Variants in NTRK2 observed in about 807,000 individuals in gnomAD.
NTRK2 encodes the protein neurotrophic receptor tyrosine kinase 2, also known as BDNF/NT-3 growth factors receptor.
NTRK2 carries 13 observed loss-of-function variants against 94.5 expected under a neutral mutation model. The ratio of observed to expected loss-of-function variants is 0.14; its 90% CI spans 0.09 to 0.22. The LOEUF is 0.22. Ranked by LOEUF, NTRK2 falls within the 10% of genes least tolerant of loss-of-function variation. NTRK2 has a pLI of 1.00. For synonymous variants in NTRK2, 372 were observed against 407.4 expected (o/e 0.91, Z 1.05); for missense variants, 639 against 1,071.2 (o/e 0.60, Z 5.63).
chr9:84,699,658 T>C (rs764181398), intron 2 of NTRK2, among the ~76,000 whole-genome samples: 2 of 148,228 alleles, frequency 1.3e-5, no homozygotes, highest in African/African-American at 2.5e-5. Context: ...TAAGCTTATG[T>C]GTGTGTTTTT....
chr9:84,753,285 C>T (rs1206932342), intron 12 of NTRK2, among the ~76,000 whole-genome samples: 2 of 151,952 alleles, frequency 1.3e-5, no homozygotes, highest in Non-Finnish European at 2.9e-5. Context: ...AGGGACCACC[C>T]CACAGTGATT....
intron 14 of NTRK2, among the ~76,000 whole-genome samples, chr9:84,902,815 G>A (rs556913752): frequency 6.6e-6 from 1 of 152,114 alleles, no homozygotes; most frequent in African/African-American, 2.4e-5. Context: ...CTGCTTCTAT[G>A]AACTCCATGA....
At chr9:84,740,402 G>T (rs1272461932) in intron 9 of NTRK2, among the ~76,000 whole-genome samples, 1 of 152,212 alleles carries the variant, frequency 6.6e-6, no homozygotes, top group Non-Finnish European at 1.5e-5. Flanking sequence ...TGGTGTTTGG[G>T]ATAATAAAAT....
intron 12 of NTRK2, among the ~76,000 whole-genome samples, chr9:84,858,741 GATAA>G (rs1323517000): frequency 1.3e-5 from 2 of 151,076 alleles, no homozygotes; most frequent in East Asian, 2.0e-4. Flanking sequence ...TGTTCTGCCT[GATAA>G]ATAAATAAAT....
intron 12 of NTRK2, among the ~76,000 whole-genome samples, chr9:84,789,265 G>A (rs189201605): frequency 2.8e-4 from 43 of 152,270 alleles, no homozygotes; most frequent in African/African-American, 9.9e-4. Context: ...ACCACAGATT[G>A]GCCTCAATTC....
chr9:84,861,088 G>T lies in NTRK2; in HGVS notation c.1444+1G>T, dbSNP rs756500934. ...AAAGTAAAATCAAGACAAGGTGTTG[G>T]TAAGTAGTTAACTCACTCCTTCTTT... On this transcript the variant is annotated splice_donor_variant, in intron 13 of 18. Transcript: ENST00000277120. LOFTEE classifies it high-confidence loss of function. The T allele has an allele frequency of 6.2e-7, 1 of 1,611,126 alleles. No individual in the cohort carries two copies. The highest frequency in any genetic ancestry group is 8.5e-7 in the Non-Finnish European group (1 of 1,177,660).
chr9:84,675,692 A>T (rs575786610), intron 2 of NTRK2, among the ~76,000 whole-genome samples: 12 of 152,060 alleles, frequency 7.9e-5, no homozygotes, highest in Admixed American at 7.2e-4. Flanking sequence ...AAGAAAAAAA[A>T]CCCTGAATCT....
Position 84,745,028 on chromosome 9 carries a change from C to T in NTRK2, c.1251C>T (p.Ile417=). ...IGDTTNRSNE[I]PSTDVTDKTG... ...ACACCACGAACAGAAGTAATGAAATCCCTTCCACAGACGTCACTGATAAAA... is the reference window on the plus strand; with the variant it reads ...ACACCACGAACAGAAGTAATGAAATTCCTTCCACAGACGTCACTGATAAAA... The change falls in exon 11 of 19, where the codon ATC becomes ATT. Residue 417 remains isoleucine, a synonymous_variant. Transcript: ENST00000277120. 6.2e-7 allele frequency: 1 copy of T among 1,613,924 alleles called. No homozygotes were observed. The highest frequency in any genetic ancestry group is 8.5e-7 in the Non-Finnish European group (1 of 1,179,966).
intron 16 of NTRK2, among the ~76,000 whole-genome samples, chr9:84,950,795 C>T (rs981725066): frequency 1.3e-5 from 2 of 152,144 alleles, no homozygotes; most frequent in African/African-American, 2.4e-5. Context: ...GAGAGGTAAT[C>T]AAGAAATGTT....
At chr9:84,958,115 A>G (rs1246963214) in intron 17 of NTRK2, among the ~76,000 whole-genome samples, 1 of 152,174 alleles carries the variant, frequency 6.6e-6, no homozygotes, top group African/African-American at 2.4e-5. Flanking sequence ...ATTGACTGCT[A>G]CTGCGTACAG....
At chr9:85,011,152 C>G (rs1831525023) in intron 17 of NTRK2, among the ~76,000 whole-genome samples, 2 of 151,922 alleles carry the variant, frequency 1.3e-5, no homozygotes, top group Admixed American at 6.6e-5. Flanking sequence ...TTGCTAAGCT[C>G]TAGAATGAGA....
At position 84,853,957 on chromosome 9, in the gene NTRK2, G is replaced by A. The variant is rs137979498; in HGVS notation, c.1397-7083G>A. On this transcript the variant is annotated intron_variant, in intron 12 of 18. Transcript: ENST00000277120. The stretch of plus-strand genomic sequence containing the variant: ...TAGCCAGGTGTGGTGGCACATGCCT[G>A]TAGTCCTAGCTACTGGGGAGGCTGA... Among the ~76,000 whole-genome samples, 421 of 152,178 alleles carry A rather than the reference G, an allele frequency of 2.8e-3. 1 individual carries two copies. Among genetic ancestry groups the A allele is most frequent in the African/African-American group, 9.7e-3 (403 of 41,530 alleles).
chr9:84,914,066 T>C (rs2077323257), intron 14 of NTRK2, among the ~76,000 whole-genome samples: 1 of 152,124 alleles, frequency 6.6e-6, no homozygotes, highest in African/African-American at 2.4e-5. Context: ...CTGCCCTCTT[T>C]ATTCGGTAGT....
chr9:84,905,535 G>A (rs1425240727), intron 14 of NTRK2, among the ~76,000 whole-genome samples: 1 of 152,094 alleles, frequency 6.6e-6, no homozygotes, highest in Non-Finnish European at 1.5e-5. Context: ...TATTTTTTTA[G>A]AAATTAAAAT....
intron 14 of NTRK2, among the ~76,000 whole-genome samples, chr9:84,892,014 G>T (rs946544632): frequency 6.6e-6 from 1 of 152,094 alleles, no homozygotes; most frequent in African/African-American, 2.4e-5. Flanking sequence ...TAGTAACCCA[G>T]TCTGATTTAT....
intron 2 of NTRK2, 88 bp downstream of exon 2, chr9:84,671,048 C>A: frequency 1.6e-6 from 2 of 1,239,804 alleles, no homozygotes; most frequent in Non-Finnish European, 2.3e-6. Flanking sequence ...TGAATGCTGT[C>A]CCAAGAGTGG....
intron 11 of NTRK2, among the ~76,000 whole-genome samples, chr9:84,748,306 G>T (rs919225992): frequency 6.6e-6 from 1 of 152,224 alleles, no homozygotes; most frequent in African/African-American, 2.4e-5. Flanking sequence ...ATTGTCAAAG[G>T]CATCCTTGTT....
chr9:84,930,347 G>T (rs549018427), intron 14 of NTRK2, among the ~76,000 whole-genome samples: 2 of 152,188 alleles, frequency 1.3e-5, no homozygotes, highest in African/African-American at 4.8e-5. Context: ...GGCACTGGTA[G>T]GGTGGAGAGG....
chr9:84,812,624 G>C (rs917968751), intron 12 of NTRK2: 1 of 1,047,206 alleles, frequency 9.5e-7, no homozygotes. Context: ...AGCCAGGCAG[G>C]AGCTCAGTAT....
Sources: allele counts gnomAD v4.1 joint callset (sites outside exome capture counted in the v4.1 genomes callset), GRCh38; gene constraint gnomAD v4.1.1; transcripts MANE v1.5; gene names NCBI Gene and HGNC (gene_info 2026-07-23, HGNC 2026-07-21).